The following TAS2R30 variants were observed in gnomAD, a reference collection of about 807,000 sequenced individuals.
TAS2R30 encodes the protein taste receptor type 2 member 30.
For synonymous variants in TAS2R30, 141 were observed against 131.6 expected (o/e 1.07, Z -0.49); for missense variants, 395 against 371.6 (o/e 1.06, Z -0.52).
At position 11,134,188 on chromosome 12, in the gene TAS2R30, A is replaced by C. The variant is rs756916674; in HGVS notation, c.57T>G (p.Ile19Met). 8.1e-6 allele frequency: 13 copies of C among 1,613,760 alleles called. No individual in the cohort carries two copies. Among genetic ancestry groups the C allele is most frequent in the Non-Finnish European group, 1.1e-5 (13 of 1,179,800 alleles). The change falls in exon 1 of 1, where the codon ATT becomes ATG. Residue 19 changes from isoleucine to methionine, a missense_variant. By Grantham distance (10) the Ile-to-Met change is conservative. Coordinates refer to ENST00000539585, the Ensembl canonical transcript of TAS2R30. ...CTATGAAGCCATTAGCAAAATTTCC[A>C]ATAACAAATATAACCACTATTAGAA... is the stretch of plus-strand genomic sequence containing the variant.
At chr12:11,133,124 C>CAA (rs1555171862) in exon 1 of TAS2R30, 2 of 787,460 alleles carry the variant, frequency 2.5e-6, no homozygotes, top group African/African-American at 3.6e-5. Context: ...TTTTCATACA[C>CAA]ACACACACAC....
exon 1 of TAS2R30, chr12:11,133,037 T>A: frequency 7.2e-6 from 3 of 415,798 alleles, no homozygotes; most frequent in Non-Finnish European, 1.2e-5. Context: ...ATTGAGGAAT[T>A]TTTGTCATAT....
exon 1 of TAS2R30, chr12:11,133,285 C>A (rs201930057): frequency 7.1e-5 from 114 of 1,603,114 alleles, no homozygotes; most frequent in Non-Finnish European, 9.0e-5. Context: ...TTGTTTTCTG[C>A]TAGAAGACAC....
chr12:11,134,003 C>G, exon 1 of TAS2R30: 1 of 1,614,062 alleles, frequency 6.2e-7, no homozygotes, highest in Non-Finnish European at 8.5e-7. Context: ...AGCAGTAATT[C>G]TTACTTCTAC....
rs1389865847 is a variant in TAS2R30, at chr12:11,134,480, AACTG to A, written c.-240_-237del. The A allele has an allele frequency of 1.9e-5, 10 of 523,304 alleles. No homozygotes were observed. Among genetic ancestry groups the A allele is most frequent in the Admixed American group, 3.7e-5 (1 of 27,268 alleles). The allele number at this position is 523,304 out of a possible 1,614,324, so 32.4% of individuals were successfully genotyped here. A position where few individuals can be genotyped will look rare whatever the true frequency, so the allele number is the denominator to read the frequency against. ...TCTTATTTTCAAAACAATTCAAATTAACTGACTCATTCACCATCTGTTCTTGTTA... is the reference window on the plus strand; with the variant it reads ...TCTTATTTTCAAAACAATTCAAATTAACTCATTCACCATCTGTTCTTGTTA... On this transcript the variant is annotated 5_prime_UTR_variant, in exon 1 of 1. It introduces an in-frame stop codon into an upstream open reading frame of the 5' UTR. Transcript: ENST00000539585.
chr12:11,134,092 C>G, exon 1 of TAS2R30: 1 of 1,614,132 alleles, frequency 6.2e-7, no homozygotes, highest in South Asian at 1.1e-5. Flanking sequence ...TGGAGACCGC[C>G]AGAGCAGTGA....
At chr12:11,133,967 T>C in exon 1 of TAS2R30, 1 of 1,614,106 alleles carries the variant, frequency 6.2e-7, no homozygotes, top group Non-Finnish European at 8.5e-7. Context: ...GCTGCTGAAA[T>C]GGTTGGTTAC....
rs374103578 is a variant in TAS2R30, at chr12:11,133,410, G to C, written c.835C>G (p.Leu279Val). Residue 279 changes from leucine to valine, a missense_variant, in exon 1 of 1, where the codon CTG (leucine) becomes GTG (valine). Coordinates refer to ENST00000539585, the Ensembl canonical transcript of TAS2R30. Reference sequence around the variant, plus strand: ...TTTAGCTTCTTGTTTCCCAAAATCAGGATGAATGGGTGGGTTGAAGGATAG... The same window carrying C: ...TTTAGCTTCTTGTTTCCCAAAATCACGATGAATGGGTGGGTTGAAGGATAG... 4.2e-5 allele frequency: 67 copies of C among 1,613,820 alleles called. No individual in the cohort carries two copies. The African/African-American group carries it at 8.3e-4, about 20-fold the overall frequency.
exon 1 of TAS2R30, chr12:11,133,767 C>T (rs770169269): frequency 6.2e-7 from 1 of 1,614,048 alleles, no homozygotes; most frequent in African/African-American, 1.3e-5. Context: ...GTCACGTTTC[C>T]TTCATATTCT....
chr12:11,133,844 A>G, exon 1 of TAS2R30: 2 of 1,614,188 alleles, frequency 1.2e-6, no homozygotes, highest in South Asian at 1.1e-5. Context: ...CAAAGGCCCC[A>G]ACAGTATCAC....
In TAS2R30 at chr12:11,133,785, A is replaced by G. The variant is rs967982182; in HGVS notation, c.460T>C (p.Trp154Arg). 1.3e-5 allele frequency: 21 copies of G among 1,614,086 alleles called. 1 individual carries two copies. The African/African-American group carries it at 1.9e-4, about 14-fold the overall frequency. Residue 154 changes from tryptophan to arginine, a missense_variant, in exon 1 of 1, where the codon TGG (tryptophan) becomes CGG (arginine). Physicochemically the swap from Trp to Arg is moderately radical, Grantham distance 101 (BLOSUM62 -3). Transcript: ENST00000539585. ...ACGTTTCCTTCATATTCTTTTGTCC[A>G]TACAGTCTCATCCATGTTTATCACA...
exon 1 of TAS2R30, chr12:11,133,489 A>C (rs2599404): frequency 0.49 from 788,127 of 1,611,678 alleles, 198,980 homozygotes; most frequent in Non-Finnish European, 0.53. Context: ...CCAGCCTCCC[A>C]AAATTACAAA....
Position 11,134,235 on chromosome 12 carries a change from A to C in TAS2R30, c.10T>G (p.Phe4Val), listed in dbSNP as rs1453840173. ...AGAATGGAAAAAATGATGGGCAGAAAAGTTATCATGTCTGAACAGACAAAA... is the reference window on the plus strand; with the variant it reads ...AGAATGGAAAAAATGATGGGCAGAACAGTTATCATGTCTGAACAGACAAAA... Residue 4 changes from phenylalanine to valine, a missense_variant, in exon 1 of 1, where the codon TTT becomes GTT. Coordinates refer to ENST00000539585, the Ensembl canonical transcript of TAS2R30. The C allele has an allele frequency of 1.9e-6, 3 of 1,612,640 alleles. No homozygotes were observed. In the African/African-American group the frequency reaches 4.0e-5, roughly 22 times the overall value.
At chr12:11,133,625 T>A in exon 1 of TAS2R30, 1 of 1,614,294 alleles carries the variant, frequency 6.2e-7, no homozygotes, top group Non-Finnish European at 8.5e-7. Flanking sequence ...CTGCATCTTC[T>A]TGAGATGTTT....
chr12:11,133,727 T>C (rs1202320384), exon 1 of TAS2R30: 3 of 1,614,182 alleles, frequency 1.9e-6, no homozygotes, highest in Non-Finnish European at 2.5e-6. Context: ...ATTTGAATGG[T>C]ACATTGCACT....
exon 1 of TAS2R30, chr12:11,133,393 C>G (rs1565688163): frequency 6.2e-7 from 1 of 1,613,962 alleles, no homozygotes; most frequent in Admixed American, 1.7e-5. Context: ...GCTTTAGCTT[C>G]TTGTTTCCCA....
exon 1 of TAS2R30, chr12:11,133,255 AT>A (rs1565687861): frequency 8.4e-6 from 13 of 1,556,618 alleles, no homozygotes; most frequent in Middle Eastern, 1.7e-4. Context: ...GAAATATAAA[AT>A]GTTTCATACA....
chr12:11,134,044 A>G (rs540166693), exon 1 of TAS2R30: 1 of 1,614,140 alleles, frequency 6.2e-7, no homozygotes, highest in South Asian at 1.1e-5. Flanking sequence ...ACTGAGTTGC[A>G]TACCAATGTA....
chr12:11,133,928 T>G (rs1253119696), exon 1 of TAS2R30: 2 of 1,614,024 alleles, frequency 1.2e-6, no homozygotes, highest in Non-Finnish European at 8.5e-7. Context: ...CCTGAGCAAA[T>G]AAAACATGCT....
Sources: allele counts gnomAD v4.1 joint callset, GRCh38; gene constraint gnomAD v4.1.1; transcripts MANE v1.5; gene names NCBI Gene and HGNC (gene_info 2026-07-23, HGNC 2026-07-21).